The following NCKAP1L variants were observed in gnomAD, a reference collection of about 807,000 sequenced individuals.
NCKAP1L encodes nck-associated protein 1-like.
NCKAP1L carries 53 observed loss-of-function variants against 139.2 expected under a neutral mutation model. That is an observed-to-expected ratio of 0.38 (90% CI 0.31 to 0.48). NCKAP1L has a LOEUF of 0.48. NCKAP1L is among the 20% of genes least tolerant of loss of function. The pLI, the probability that NCKAP1L is intolerant of heterozygous loss-of-function variation, is 0.98. For synonymous variants in NCKAP1L, 468 were observed against 499.7 expected (o/e 0.94, Z 0.85); for missense variants, 1,151 against 1,381.9 (o/e 0.83, Z 2.65).
At position 54,510,083 on chromosome 12, in the gene NCKAP1L, A is replaced by G. The variant is rs1956875454; in HGVS notation, c.735+98A>G. ...CTTTCAGGAAATATCAGTACTAAAGAATGCTTTAGTCTTCTTCTAGGGTAT... is the reference window on the plus strand; with the variant it reads ...CTTTCAGGAAATATCAGTACTAAAGGATGCTTTAGTCTTCTTCTAGGGTAT... On this transcript the variant is annotated intron_variant, in intron 7 of 30. Transcript: ENST00000293373. 2.8e-6 allele frequency: 4 copies of G among 1,409,640 alleles called. No individual in the cohort carries two copies. The Admixed American group carries it at 8.1e-5, about 29-fold the overall frequency. The allele number at this position is 1,409,640 out of a possible 1,614,324, so 87.3% of individuals were successfully genotyped here. A position where few individuals can be genotyped will look rare whatever the true frequency, so the allele number is the denominator to read the frequency against.
In NCKAP1L at chr12:54,545,955, T is replaced by G. The variant is rs1391987574; in HGVS notation, c.*3270T>G. On this transcript the variant is annotated 3_prime_UTR_variant, in exon 31 of 31. Coordinates refer to ENST00000293373, the MANE Select transcript of NCKAP1L (RefSeq NM_005337.5). ...GCTTCAAAGTGCAGAAGGAACTGGG[T>G]GTGGTGGCTCACCCCTGTAATCCCA... 6.6e-6 allele frequency: 1 copy of G among 152,198 alleles called. No homozygotes were observed. The highest frequency in any genetic ancestry group is 2.4e-5 in the African/African-American group (1 of 41,412). 9.4% of individuals were successfully genotyped at this position (152,198 alleles called of 1,614,324 possible). A position where few individuals can be genotyped will look rare whatever the true frequency, so the allele number is the denominator to read the frequency against.
At chr12:54,518,778 C>T (rs764869262) in intron 14 of NCKAP1L, 46 bp downstream of exon 14, 3 of 1,542,882 alleles carry the variant, frequency 1.9e-6, no homozygotes, top group Non-Finnish European at 2.7e-6. Context: ...TGAGGATGAA[C>T]ATCTTTTATC....
chr12:54,507,880 A>G lies in NCKAP1L; in HGVS notation c.334A>G (p.Ile112Val), dbSNP rs770897764. Residue 112 changes from isoleucine (I) to valine (V), a missense_variant, in exon 4 of 31, where the codon ATT becomes GTT. Coordinates refer to ENST00000293373, the MANE Select transcript of NCKAP1L (RefSeq NM_005337.5). ...TCATGTATATGAACTTCTCAACACCATTGATGCCTGCCAGTGCCATTTTGA... is the reference window on the plus strand; with the variant it reads ...TCATGTATATGAACTTCTCAACACCGTTGATGCCTGCCAGTGCCATTTTGA... Reference protein sequence around the residue: ...RDHVYELLNTIDACQCHFDIN... With the variant: ...RDHVYELLNTVDACQCHFDIN... The G allele has an allele frequency of 1.7e-5, 28 of 1,613,802 alleles. No individual in the cohort carries two copies. The highest frequency in any genetic ancestry group is 5.0e-5 in the Admixed American group (3 of 59,984).
intron 7 of NCKAP1L, among the ~76,000 whole-genome samples, chr12:54,510,874 G>A (rs1956883317): frequency 6.6e-6 from 1 of 151,308 alleles, no homozygotes; most frequent in African/African-American, 2.4e-5. Context: ...GGCTGGTCTT[G>A]AACTCCTGGG....
chr12:54,518,773 A>G, intron 14 of NCKAP1L, 41 bp downstream of exon 14: 9 of 1,561,188 alleles, frequency 5.8e-6, no homozygotes, highest in Non-Finnish European at 8.0e-6. Flanking sequence ...ATATGTGAGG[A>G]TGAACATCTT....
intron 29 of NCKAP1L, among the ~76,000 whole-genome samples, chr12:54,537,691 G>T (rs74091311): frequency 0.03 from 4,556 of 152,242 alleles, 168 homozygotes; most frequent in African/African-American, 0.086. Flanking sequence ...CACCTGGAGA[G>T]TTTCTACCTT....
In NCKAP1L at chr12:54,542,767, G is replaced by A; in HGVS notation, c.*82G>A. 2 of 816,914 alleles carry A rather than the reference G, an allele frequency of 2.4e-6. No homozygotes were observed. Among genetic ancestry groups the A allele is most frequent in the South Asian group, 2.9e-5 (2 of 69,966 alleles). The allele number at this position is 816,914 out of a possible 1,614,324, so 50.6% of individuals were successfully genotyped here. On this transcript the variant is annotated 3_prime_UTR_variant, in exon 31 of 31. Transcript: ENST00000293373. The stretch of plus-strand genomic sequence containing the variant: ...TGGAAGCTGTGGTCACTTTCGCAGG[G>A]GGTGGGAATGGGGTGGGGTCACTAA...
At chr12:54,516,780 A>G in intron 10 of NCKAP1L, 116 bp from the exon 11 acceptor site, 1 of 894,604 alleles carries the variant, frequency 1.1e-6, no homozygotes, top group Non-Finnish European at 1.8e-6. Flanking sequence ...TAACTTGAGC[A>G]TTGAACCTTC....
Position 54,512,080 on chromosome 12 carries a change from G to C in NCKAP1L, c.916G>C (p.Glu306Gln). The change falls in exon 9 of 31, where the codon GAG (glutamate) becomes CAG (glutamine). Residue 306 changes from glutamate (E) to glutamine (Q), a missense_variant. Glu to Gln is a conservative substitution (Grantham distance 29). Transcript: ENST00000293373. ...TGTGCTGCAGGTGCACAAAGTCACC[G>C]AGGACCTGTTTAGCAGTTTGAAAGG... ...EDVLQVHKVTEDLFSSLKGYG... is the reference protein window; with the variant it reads ...EDVLQVHKVTQDLFSSLKGYG... 6.2e-7 allele frequency: 1 copy of C among 1,614,134 alleles called. No individual in the cohort carries two copies. The highest frequency in any genetic ancestry group is 8.5e-7 in the Non-Finnish European group (1 of 1,180,016).
chr12:54,503,639 T>C (rs1956819273), intron 3 of NCKAP1L, among the ~76,000 whole-genome samples: 1 of 150,176 alleles, frequency 6.7e-6, no homozygotes, highest in African/African-American at 2.5e-5. Context: ...ATATTTTTTC[T>C]TTTCTTTTTT....
chr12:54,507,835 C>G lies in NCKAP1L; in HGVS notation c.307-18C>G, dbSNP rs1956854771. The G allele has an allele frequency of 1.2e-6, 2 of 1,611,842 alleles. No homozygotes were observed. Among genetic ancestry groups the G allele is most frequent in the Non-Finnish European group, 1.7e-6 (2 of 1,178,008 alleles). ...TCTTTGATTTTTTATTAATTCTTGT[C>G]TTCACTTCCACCCCCAGGATCATGT... On this transcript the variant is annotated intron_variant, in intron 3 of 30. Coordinates refer to ENST00000293373, the MANE Select transcript of NCKAP1L (RefSeq NM_005337.5).
In NCKAP1L at chr12:54,516,942, A is replaced by G. The variant is rs748151641; in HGVS notation, c.1045A>G (p.Lys349Glu). ...GCGGCAATTTCTGCGGATGGCAGTG[A>G]AGGAGCTGGAGACTGTGTTGGCTGA... ...QRRQFLRMAV[K>E]ELETVLADEP... is the part of the protein sequence containing the mutation. The change falls in exon 11 of 31, where the codon AAG becomes GAG. Residue 349 changes from lysine (K) to glutamate (E), a missense_variant. Transcript: ENST00000293373. The G allele has an allele frequency of 1.2e-6, 2 of 1,612,854 alleles. 1 individual carries two copies. The highest frequency in any genetic ancestry group is 2.2e-5 in the South Asian group (2 of 91,060).
chr12:54,511,803 A>C lies in NCKAP1L; in HGVS notation c.736A>C (p.Met246Leu), dbSNP rs143943543. 2.1e-4 allele frequency: 333 copies of C among 1,614,016 alleles called. 2 individuals carry two copies. In the African/African-American group the frequency reaches 3.8e-3, roughly 18 times the overall value. The change falls in exon 8 of 31, where the codon ATG becomes CTG. Residue 246 changes from methionine to leucine, a missense_variant and splice_region_variant. Coordinates refer to ENST00000293373, the MANE Select transcript of NCKAP1L (RefSeq NM_005337.5). ...AMINPANSDT[M>L]ACEYLSVEVM... ...ATCATCTTTGCTTCTCTTCTCACAG[A>C]TGGCCTGTGAGTATCTGTCTGTGGA...
intron 5 of NCKAP1L, among the ~76,000 whole-genome samples, chr12:54,508,950 C>T (rs1460744255): frequency 2.0e-5 from 3 of 152,156 alleles, no homozygotes; most frequent in Admixed American, 2.0e-4. Context: ...TGAATATCTG[C>T]TAGTGGATTA....
intron 25 of NCKAP1L, 140 bp downstream of exon 25, chr12:54,531,965 G>GCGT: frequency 1.2e-6 from 1 of 814,310 alleles, no homozygotes; most frequent in South Asian, 1.8e-5. Context: ...AGAAGAGGGA[G>GCGT]AGTAATTTGG....
In NCKAP1L at chr12:54,531,311, G is replaced by A; in HGVS notation, c.2558G>A (p.Ser853Asn). The stretch of plus-strand genomic sequence containing the variant: ...GGCCCCTATGGCATGAAGTTCCTGA[G>A]TGAAAACCTGATGTGGCATGTGACC... ...LLGPYGMKFL[S>N]ENLMWHVTSQ... Residue 853 changes from serine (S) to asparagine (N), a missense_variant, in exon 23 of 31, where the codon AGT becomes AAT. By Grantham distance (46) the Ser-to-Asn change is conservative. Coordinates refer to ENST00000293373, the MANE Select transcript of NCKAP1L (RefSeq NM_005337.5). 1 of 1,614,168 alleles carries A rather than the reference G, an allele frequency of 6.2e-7. No homozygotes were observed. The highest frequency in any genetic ancestry group is 2.2e-5 in the East Asian group (1 of 44,878).
Position 54,526,762 on chromosome 12 carries a change from G to A in NCKAP1L, c.2375+16G>A. ...ACACAAACTGGTCAGTGTTGCTTAG[G>A]CTTTTCCACTGCCTTACTTTGTGTT... On this transcript the variant is annotated intron_variant, in intron 21 of 30. Coordinates refer to ENST00000293373, the MANE Select transcript of NCKAP1L (RefSeq NM_005337.5). 6.2e-7 allele frequency: 1 copy of A among 1,605,700 alleles called. No individual in the cohort carries two copies. The highest frequency in any genetic ancestry group is 8.5e-7 in the Non-Finnish European group (1 of 1,173,930).
At chr12:54,536,388 C>T (rs775669103) in intron 28 of NCKAP1L, 143 bp downstream of exon 28, 230 of 618,586 alleles carry the variant, frequency 3.7e-4, no homozygotes, top group Middle Eastern at 1.4e-3. Context: ...GGCTGGACAC[C>T]GTGGCTCATG....
chr12:54,524,052 A>T, intron 20 of NCKAP1L, 96 bp downstream of exon 20: 1 of 1,297,612 alleles, frequency 7.7e-7, no homozygotes, highest in Non-Finnish European at 1.1e-6. Context: ...GTTGGGTCCC[A>T]TTACATTCAT....
Sources: gnomAD v4.1 joint callset for allele counts (sites outside exome capture counted in the v4.1 genomes callset) on GRCh38, gnomAD v4.1.1 for gene constraint, MANE v1.5 for transcripts, NCBI Gene and HGNC (gene_info 2026-07-23, HGNC 2026-07-21) for gene names.